The following PDE3B variants were observed in gnomAD, a reference collection of about 807,000 sequenced individuals.
PDE3B encodes the protein cGMP-inhibited 3',5'-cyclic phosphodiesterase 3B.
A neutral mutation model predicts 116.8 loss-of-function variants in PDE3B; 66 were observed. That is an observed-to-expected ratio of 0.56 (90% CI 0.46 to 0.69). PDE3B has a LOEUF of 0.69. Ranked by LOEUF, PDE3B falls within the 30% of genes least tolerant of loss-of-function variation. The probability of loss-of-function intolerance (pLI) is 0.00; values close to 1 mark genes in which losing one functional copy is unlikely to be tolerated. For missense variants in PDE3B, 1,384 were observed against 1,368.1 expected (o/e 1.01, Z -0.18); for synonymous variants, 595 against 533.6 (o/e 1.12, Z -1.59).
chr11:14,861,428 TG>T, intron 14 of PDE3B, 62 bp downstream of exon 14: 1 of 1,469,174 alleles, frequency 6.8e-7, no homozygotes. Context: ...CACTACTCTT[TG>T]GGTTTTGGAT....
intron 5 of PDE3B, among the ~76,000 whole-genome samples, chr11:14,808,824 T>A (rs1165510831): frequency 6.6e-6 from 1 of 152,224 alleles, no homozygotes; most frequent in African/African-American, 2.4e-5. Context: ...ACAAGACTTT[T>A]ACAATGGAAA....
intron 4 of PDE3B, among the ~76,000 whole-genome samples, chr11:14,797,987 G>C (rs942013208): frequency 2.0e-5 from 3 of 152,154 alleles, no homozygotes; most frequent in Non-Finnish European, 4.4e-5. Context: ...AGTGGTGAGG[G>C]AGGGCATCCT....
intron 2 of PDE3B, among the ~76,000 whole-genome samples, chr11:14,779,485 C>T (rs1367103183): frequency 1.3e-5 from 2 of 152,362 alleles, no homozygotes; most frequent in East Asian, 3.9e-4. Context: ...AGAAACTCTA[C>T]AAGCCAGGAG....
chr11:14,832,684 T>G (rs1295628435), intron 9 of PDE3B, 38 bp from the exon 10 acceptor site: 1 of 783,274 alleles, frequency 1.3e-6, no homozygotes, highest in Non-Finnish European at 2.1e-6. Flanking sequence ...ATAGAAATTC[T>G]GATTTTTAAA....
chr11:14,874,840 A>C (rs926384216), downstream of PDE3B, among the ~76,000 whole-genome samples: 8 of 152,162 alleles, frequency 5.3e-5, no homozygotes, highest in African/African-American at 1.9e-4. Flanking sequence ...TCTATAATTA[A>C]ATGTATTCAG....
the PDE3B span, chr11:14,890,431 C>T: frequency 1.0e-6 from 1 of 978,610 alleles, no homozygotes; most frequent in Non-Finnish European, 1.2e-6. Flanking sequence ...ATTATACATA[C>T]CTTTATTATC....
chr11:14,716,288 G>A (rs1173534086), intron 1 of PDE3B, among the ~76,000 whole-genome samples: 2 of 152,200 alleles, frequency 1.3e-5, no homozygotes, highest in East Asian at 3.9e-4. Flanking sequence ...GAATCTCGCT[G>A]ATTGCTAGCA....
chr11:14,789,046 T>C, intron 3 of PDE3B, 60 bp from the exon 4 acceptor site: 1 of 1,187,962 alleles, frequency 8.4e-7, no homozygotes, highest in Non-Finnish European at 1.2e-6. Context: ...CCATCACTAA[T>C]ATTACATATA....
intron 5 of PDE3B, among the ~76,000 whole-genome samples, chr11:14,811,573 G>T (rs373915501): frequency 6.6e-6 from 1 of 152,182 alleles, no homozygotes; most frequent in Non-Finnish European, 1.5e-5. Context: ...GTCAGGTAGT[G>T]TGATGCCTCC....
rs548217097 is a variant in PDE3B, at chr11:14,745,658, A to AT, written c.979-26271dup. On this transcript the variant is annotated intron_variant, in intron 1 of 15. Coordinates refer to ENST00000282096, the MANE Select transcript of PDE3B (RefSeq NM_000922.4). ...TGGATAGGAATCTTTTATTATGTAT[A>AT]TTTTTTTTATTTTCCTTCTCCTTTT... 5.7e-3 allele frequency among the ~76,000 whole-genome samples: 869 copies of AT among 151,930 alleles called. 11 individuals carry two copies. Among genetic ancestry groups the AT allele is most frequent in the African/African-American group, 0.019 (804 of 41,418 alleles).
chr11:14,775,207 T>G (rs569800093), intron 2 of PDE3B: 21 of 152,338 alleles, frequency 1.4e-4, no homozygotes, highest in African/African-American at 4.8e-4. Flanking sequence ...CTCAAAAATT[T>G]GGTCCCAACA....
At chr11:14,858,413 G>C (rs1847887983) in intron 12 of PDE3B, among the ~76,000 whole-genome samples, 2 of 152,200 alleles carry the variant, frequency 1.3e-5, no homozygotes, top group East Asian at 3.9e-4. Context: ...GGCACCTCAG[G>C]GTCTTCTGCT....
At chr11:14,826,017 A>G (rs529317953) in intron 7 of PDE3B, among the ~76,000 whole-genome samples, 1 of 152,242 alleles carries the variant, frequency 6.6e-6, no homozygotes, top group Non-Finnish European at 1.5e-5. Flanking sequence ...CTCCTGAATG[A>G]CTTTTGGGCA....
chr11:14,879,097 C>T, the PDE3B span: 219 of 1,598,194 alleles, frequency 1.4e-4, no homozygotes, highest in Admixed American at 4.2e-4. Context: ...AGTTACGCCC[C>T]GTGAAAGTTC....
At chr11:14,655,163 G>A (rs1853679365) in intron 1 of PDE3B, among the ~76,000 whole-genome samples, 3 of 151,770 alleles carry the variant, frequency 2.0e-5, no homozygotes, top group Admixed American at 2.0e-4. Context: ...AATGGAAAAA[G>A]GACACAAGAC....
At chr11:14,662,703 T>C (rs947950552) in intron 1 of PDE3B, among the ~76,000 whole-genome samples, 1 of 152,134 alleles carries the variant, frequency 6.6e-6, no homozygotes, top group African/African-American at 2.4e-5. Flanking sequence ...GAAGAAAGGG[T>C]ATCAGTGATG....
At chr11:14,763,743 T>G (rs1857421485) in intron 1 of PDE3B, among the ~76,000 whole-genome samples, 1 of 152,104 alleles carries the variant, frequency 6.6e-6, no homozygotes, top group Non-Finnish European at 1.5e-5. Flanking sequence ...GAAGGTAATA[T>G]GATGATTTGA....
At chr11:14,826,302 A>G (rs1253101004) in intron 7 of PDE3B, among the ~76,000 whole-genome samples, 1 of 152,206 alleles carries the variant, frequency 6.6e-6, no homozygotes, top group Non-Finnish European at 1.5e-5. Context: ...AGACACAAAA[A>G]CACCATCCAA....
the PDE3B span, chr11:14,887,539 TTTGA>T: frequency 1.1e-6 from 1 of 928,276 alleles, no homozygotes; most frequent in East Asian, 1.2e-4. Context: ...TTATATATTC[TTTGA>T]TTTATTCAAT....
Sources: gnomAD v4.1 joint callset for allele counts (sites outside exome capture counted in the v4.1 genomes callset) on GRCh38, gnomAD v4.1.1 for gene constraint, MANE v1.5 for transcripts, NCBI Gene and HGNC (gene_info 2026-07-23, HGNC 2026-07-21) for gene names.